The following HPSE2 variants were observed in gnomAD, a reference collection of about 807,000 sequenced individuals.
HPSE2 encodes the protein inactive heparanase-2.
A neutral mutation model predicts 60.5 loss-of-function variants in HPSE2; 38 were observed. That is an observed-to-expected ratio of 0.63 (90% CI 0.48 to 0.82). HPSE2 has a LOEUF of 0.82. HPSE2 is among the 40% of genes least tolerant of loss of function. The probability of loss-of-function intolerance (pLI) is 0.00; values close to 1 mark genes in which losing one functional copy is unlikely to be tolerated. For missense variants in HPSE2, 713 were observed against 740.4 expected, an observed-to-expected ratio of 0.96 and a Z score of 0.43; for synonymous variants, 295 against 293.2, an observed-to-expected ratio of 1.01 and a Z score of -0.06.
At chr10:99,028,557 G>T (rs766531319) in intron 3 of HPSE2, among the ~76,000 whole-genome samples, 1 of 151,998 alleles carries the variant, frequency 6.6e-6, no homozygotes, top group Admixed American at 6.6e-5. Flanking sequence ...TGTTCATACT[G>T]CCCAAAGCAA....
chr10:99,041,587 C>T (rs1957741087), intron 3 of HPSE2, among the ~76,000 whole-genome samples: 1 of 152,192 alleles, frequency 6.6e-6, no homozygotes, highest in East Asian at 1.9e-4. Flanking sequence ...AACACCCCAG[C>T]ACCAGCTTCC....
intron 3 of HPSE2, among the ~76,000 whole-genome samples, chr10:98,881,764 T>C (rs1374561682): frequency 1.3e-5 from 2 of 152,142 alleles, no homozygotes; most frequent in African/African-American, 4.8e-5. Flanking sequence ...TGTTTAGTTA[T>C]GACAGCTAGC....
chr10:99,044,355 C>G (rs1249767986), intron 3 of HPSE2, among the ~76,000 whole-genome samples: 1 of 152,128 alleles, frequency 6.6e-6, no homozygotes, highest in Non-Finnish European at 1.5e-5. Context: ...TCCTTAAGGG[C>G]ATGCTAAACA....
the HPSE2 span, among the ~76,000 whole-genome samples, chr10:99,258,002 G>A: frequency 3.3e-5 from 5 of 152,014 alleles, no homozygotes; most frequent in Admixed American, 6.6e-5. Flanking sequence ...TTAGCTGGGC[G>A]TGGTGGCGTG....
intron 9 of HPSE2, among the ~76,000 whole-genome samples, chr10:98,614,385 C>T (rs1376372585): frequency 2.0e-5 from 3 of 151,202 alleles, no homozygotes; most frequent in Non-Finnish European, 2.9e-5. Context: ...CTCTGCCTCT[C>T]GGGTTCATGC....
intron 9 of HPSE2, among the ~76,000 whole-genome samples, chr10:98,526,931 G>C (rs968829747): frequency 6.6e-6 from 1 of 152,036 alleles, no homozygotes; most frequent in Non-Finnish European, 1.5e-5. Context: ...GCTCTGGGAG[G>C]GGCAAAAACT....
intron 5 of HPSE2, among the ~76,000 whole-genome samples, chr10:98,706,558 G>T (rs1330374010): frequency 6.6e-6 from 1 of 152,216 alleles, no homozygotes; most frequent in Non-Finnish European, 1.5e-5. Context: ...ACCTCAGTAA[G>T]AGGAGCAGTT....
At chr10:99,273,605 AC>A in the HPSE2 span, among the ~76,000 whole-genome samples, 1 of 152,184 alleles carries the variant, frequency 6.6e-6, no homozygotes, top group African/African-American at 2.4e-5. Context: ...ACATAAACCA[AC>A]CCCTAAAGAT....
intron 3 of HPSE2, among the ~76,000 whole-genome samples, chr10:98,780,232 G>A (rs2134449524): frequency 6.6e-6 from 1 of 152,144 alleles, no homozygotes; most frequent in South Asian, 2.1e-4. Flanking sequence ...GCTGAGGGAA[G>A]CTTGCAAAGT....
chr10:99,226,283 T>C (rs1280387309), intron 2 of HPSE2, among the ~76,000 whole-genome samples: 1 of 152,078 alleles, frequency 6.6e-6, no homozygotes, highest in Non-Finnish European at 1.5e-5. Context: ...TGTTATACCC[T>C]GGCAAACTAT....
intron 3 of HPSE2, among the ~76,000 whole-genome samples, chr10:99,014,738 T>A (rs1055920571): frequency 2.0e-5 from 3 of 152,220 alleles, no homozygotes; most frequent in Non-Finnish European, 2.9e-5. Flanking sequence ...GTCGGTTGCA[T>A]GTATGTCTTC....
chr10:99,173,189 A>G (rs147541897), intron 2 of HPSE2, among the ~76,000 whole-genome samples: 35 of 152,278 alleles, frequency 2.3e-4, no homozygotes, highest in African/African-American at 8.2e-4. Context: ...AGGCCCTCAG[A>G]AAAGTGGTCT....
chr10:99,278,153 ACT>A, the HPSE2 span, among the ~76,000 whole-genome samples: 1 of 151,432 alleles, frequency 6.6e-6, no homozygotes, highest in East Asian at 1.9e-4. Flanking sequence ...GGGATAGAAG[ACT>A]CTTCACAATA....
intron 2 of HPSE2, among the ~76,000 whole-genome samples, chr10:99,231,795 A>T (rs1229726438): frequency 6.6e-6 from 1 of 152,202 alleles, no homozygotes. Flanking sequence ...TTTAAAAGGG[A>T]TTATTCCAGA....
chr10:99,254,326 TA>T, the HPSE2 span, among the ~76,000 whole-genome samples: 2 of 152,188 alleles, frequency 1.3e-5, no homozygotes, highest in African/African-American at 4.8e-5. Flanking sequence ...TTCTCACTTC[TA>T]AGTGGGAGAT....
intron 3 of HPSE2, among the ~76,000 whole-genome samples, chr10:98,974,643 G>A (rs561823693): frequency 7.9e-5 from 12 of 152,254 alleles, no homozygotes; most frequent in East Asian, 3.9e-4. Context: ...ATTACCTGGC[G>A]TTCCTACAAA....
Position 98,873,698 on chromosome 10 carries a change from T to C in HPSE2, c.611-129642A>G, listed in dbSNP as rs373558413. Among the ~76,000 whole-genome samples, 12 of 152,204 alleles carry C rather than the reference T, an allele frequency of 7.9e-5. No individual in the cohort carries two copies. In the East Asian group the frequency reaches 2.3e-3, roughly 29 times the overall value. ...CATACAGGTGCATGTGTCTTTATAG[T>C]AGAATGATTTCTATTCTTTTGGGTA... On this transcript the variant is annotated intron_variant, in intron 3 of 11. Coordinates refer to ENST00000370552, the MANE Select transcript of HPSE2 (RefSeq NM_021828.5).
chr10:99,220,569 C>A (rs894102007), intron 2 of HPSE2, among the ~76,000 whole-genome samples: 1 of 152,032 alleles, frequency 6.6e-6, no homozygotes, highest in Non-Finnish European at 1.5e-5. Flanking sequence ...CTTTGGGAAG[C>A]CGAGGTGGGC....
chr10:98,898,899 T>C (rs1953577085), intron 3 of HPSE2, among the ~76,000 whole-genome samples: 1 of 152,216 alleles, frequency 6.6e-6, no homozygotes, highest in Non-Finnish European at 1.5e-5. Flanking sequence ...GGAGAAAGAA[T>C]AGTTTGCTCA....
Sources: allele counts gnomAD v4.1 joint callset (sites outside exome capture counted in the v4.1 genomes callset), GRCh38; gene constraint gnomAD v4.1.1; transcripts MANE v1.5; gene names NCBI Gene and HGNC (gene_info 2026-07-23, HGNC 2026-07-21).